The following CSMD1 variants were observed in gnomAD, a reference collection of about 807,000 sequenced individuals.
CSMD1 encodes CUB and Sushi multiple domains 1.
A neutral mutation model predicts 417.5 loss-of-function variants in CSMD1; 213 were observed. The ratio of observed to expected loss-of-function variants is 0.51; its 90% CI spans 0.46 to 0.57. The LOEUF (loss-of-function observed/expected upper bound fraction) is 0.57. Ranked by LOEUF, CSMD1 falls within the 20% of genes least tolerant of loss-of-function variation. CSMD1 has a pLI of 0.00. For missense variants in CSMD1, 6,923 were observed against 4,529.7 expected, an observed-to-expected ratio of 1.53 and a Z score of -15.17; for synonymous variants, 2,862 against 1,736.8, an observed-to-expected ratio of 1.65 and a Z score of -16.11.
At chr8:4,274,290 C>T (rs1237990479) in intron 3 of CSMD1, among the ~76,000 whole-genome samples, 2 of 152,118 alleles carry the variant, frequency 1.3e-5, no homozygotes, top group African/African-American at 4.8e-5. Flanking sequence ...AGGCTTATAA[C>T]GTGAAGTATC....
intron 2 of CSMD1, among the ~76,000 whole-genome samples, chr8:4,456,452 C>A (rs1310391890): frequency 6.6e-6 from 1 of 152,236 alleles, no homozygotes; most frequent in African/African-American, 2.4e-5. Flanking sequence ...TAAGAGTATT[C>A]TTAACGAAAA....
chr8:4,857,877 C>T (rs1194854099), intron 1 of CSMD1, among the ~76,000 whole-genome samples: 2 of 151,570 alleles, frequency 1.3e-5, no homozygotes, highest in Non-Finnish European at 1.5e-5. Context: ...CTATTCCAAT[C>T]AATAGAAAAA....
At chr8:3,056,693 T>C (rs980054670) in intron 49 of CSMD1, among the ~76,000 whole-genome samples, 1 of 152,158 alleles carries the variant, frequency 6.6e-6, no homozygotes, top group South Asian at 2.1e-4. Context: ...CTGAGGATTT[T>C]TAAGTATTTC....
intron 3 of CSMD1, among the ~76,000 whole-genome samples, chr8:4,158,806 T>A (rs1475168523): frequency 6.6e-6 from 1 of 152,234 alleles, no homozygotes; most frequent in Non-Finnish European, 1.5e-5. Flanking sequence ...CCCAAGTTTA[T>A]CATATGGGAT....
intron 3 of CSMD1, among the ~76,000 whole-genome samples, chr8:4,100,962 C>G (rs1156816910): frequency 6.6e-6 from 1 of 152,180 alleles, no homozygotes; most frequent in Non-Finnish European, 1.5e-5. Context: ...TCTGTAATCA[C>G]TCCATCAGCA....
Position 3,219,312 on chromosome 8 carries a change from G to C in CSMD1, c.4615C>G (p.Leu1539Val), listed in dbSNP as rs1231263548. 6.3e-7 allele frequency: 1 copy of C among 1,591,150 alleles called. No homozygotes were observed. The highest frequency in any genetic ancestry group is 8.6e-7 in the Non-Finnish European group (1 of 1,167,960). The change falls in exon 29 of 70, where the codon CTG becomes GTG. Residue 1539 changes from leucine to valine, a missense_variant. By Grantham distance (32) the Leu-to-Val change is conservative (BLOSUM62 1). Transcript: ENST00000635120. ...RIESSGNSLF[L>V]AFRSDASVGL... ...ACGGAGGCATCACTCCGAAATGCCA[G>C]AAACAGGCTGTTTCCGCTACTCTCT...
At chr8:3,815,921 A>G (rs1801344073) in intron 5 of CSMD1, among the ~76,000 whole-genome samples, 1 of 152,222 alleles carries the variant, frequency 6.6e-6, no homozygotes, top group Non-Finnish European at 1.5e-5. Flanking sequence ...AAGAGGAAAA[A>G]GAACAAATAA....
intron 5 of CSMD1, among the ~76,000 whole-genome samples, chr8:3,904,660 G>A (rs1258268522): frequency 9.3e-6 from 1 of 108,094 alleles, no homozygotes; most frequent in Admixed American, 1.1e-4. Flanking sequence ...TTTTTGAGAT[G>A]AAGTCTTACT....
At chr8:4,907,059 G>A (rs1047338087) in intron 1 of CSMD1, among the ~76,000 whole-genome samples, 5 of 152,168 alleles carry the variant, frequency 3.3e-5, no homozygotes. Context: ...AACAGTGAGA[G>A]AATGTTCTAT....
At chr8:3,803,409 G>A (rs1375452637) in intron 5 of CSMD1, among the ~76,000 whole-genome samples, 1 of 152,220 alleles carries the variant, frequency 6.6e-6, no homozygotes, top group African/African-American at 2.4e-5. Flanking sequence ...AACAGGTAGT[G>A]TAGGTAGAGC....
chr8:3,545,520 T>G (rs1042485374), intron 10 of CSMD1, among the ~76,000 whole-genome samples: 1 of 152,196 alleles, frequency 6.6e-6, no homozygotes, highest in Non-Finnish European at 1.5e-5. Context: ...AATCATACTG[T>G]TCGGTATAAT....
At chr8:3,195,067 G>T (rs928287037) in intron 33 of CSMD1, among the ~76,000 whole-genome samples, 9 of 152,156 alleles carry the variant, frequency 5.9e-5, no homozygotes, top group African/African-American at 2.2e-4. Context: ...GTGTGACTGT[G>T]TGATCTGGAA....
At chr8:4,541,111 G>C (rs1012236948) in intron 2 of CSMD1, among the ~76,000 whole-genome samples, 3 of 152,150 alleles carry the variant, frequency 2.0e-5, no homozygotes, top group African/African-American at 7.2e-5. Context: ...GGAGAGTTGA[G>C]AATTATGAGA....
intron 6 of CSMD1, among the ~76,000 whole-genome samples, chr8:3,751,368 A>G (rs910130726): frequency 6.8e-6 from 1 of 148,120 alleles, no homozygotes; most frequent in Non-Finnish European, 1.5e-5. Flanking sequence ...ACATCTATAT[A>G]TAAATTATTT....
chr8:3,117,292 T>C (rs1585393548), intron 42 of CSMD1, among the ~76,000 whole-genome samples: 1 of 152,154 alleles, frequency 6.6e-6, no homozygotes, highest in Non-Finnish European at 1.5e-5. Context: ...AGGATGGTCT[T>C]GATCTCCTGA....
At chr8:4,738,448 C>T (rs1810383790) in intron 1 of CSMD1, among the ~76,000 whole-genome samples, 1 of 152,004 alleles carries the variant, frequency 6.6e-6, no homozygotes, top group Non-Finnish European at 1.5e-5. Flanking sequence ...CTTATAAAAC[C>T]ATCAGATCTC....
chr8:3,351,360 C>T (rs1040682478), intron 21 of CSMD1, among the ~76,000 whole-genome samples: 4 of 151,772 alleles, frequency 2.6e-5, no homozygotes, highest in Non-Finnish European at 5.9e-5. Flanking sequence ...CCTGTAATCC[C>T]AGCACTTTCG....
At chr8:2,977,999 T>G (rs1005116740) in intron 55 of CSMD1, among the ~76,000 whole-genome samples, 5 of 152,134 alleles carry the variant, frequency 3.3e-5, no homozygotes, top group African/African-American at 1.2e-4. Flanking sequence ...GTTGAATCAT[T>G]TTGGAAGACA....
intron 1 of CSMD1, among the ~76,000 whole-genome samples, chr8:4,649,926 T>G (rs1803777989): frequency 6.6e-6 from 1 of 152,200 alleles, no homozygotes; most frequent in South Asian, 2.1e-4. Context: ...GATGCACAGG[T>G]TGTGCACTGC....
Sources: allele counts gnomAD v4.1 joint callset (sites outside exome capture counted in the v4.1 genomes callset), GRCh38; gene constraint gnomAD v4.1.1; transcripts MANE v1.5; gene names NCBI Gene and HGNC (gene_info 2026-07-23, HGNC 2026-07-21).